The following SLIT1 variants were observed in gnomAD, a reference collection of about 807,000 sequenced individuals.
SLIT1 encodes the protein slit homolog 1 protein.
A neutral mutation model predicts 186.1 loss-of-function variants in SLIT1; 66 were observed. The observed-to-expected ratio is 0.35, with a 90% confidence interval of 0.29 to 0.44. The LOEUF is 0.44. SLIT1 is among the 20% of genes least tolerant of loss of function. The pLI is 1.00. For synonymous variants in SLIT1, 761 were observed against 833.8 expected (o/e 0.91, Z 1.50); for missense variants, 1,638 against 2,037.4 (o/e 0.80, Z 3.77).
intron 16 of SLIT1, among the ~76,000 whole-genome samples, 199 bp from the exon 17 acceptor site, chr10:97,047,264 A>T (rs1848742937): frequency 6.6e-6 from 1 of 152,268 alleles, no homozygotes; most frequent in Non-Finnish European, 1.5e-5. Flanking sequence ...AACATTAAAA[A>T]TGCCATGAAA....
intron 18 of SLIT1, among the ~76,000 whole-genome samples, chr10:97,046,195 A>C (rs757121894): frequency 6.6e-6 from 1 of 152,194 alleles, no homozygotes; most frequent in Non-Finnish European, 1.5e-5. Context: ...ACTGAGCTCC[A>C]GATTCTGGTC....
intron 31 of SLIT1, among the ~76,000 whole-genome samples, chr10:97,007,554 C>T (rs1397569213): frequency 1.3e-5 from 2 of 152,088 alleles, no homozygotes; most frequent in Non-Finnish European, 2.9e-5. Context: ...CAACAAATTA[C>T]TAGCTAATCA....
At chr10:97,045,330 T>C (rs921529797) in intron 18 of SLIT1, among the ~76,000 whole-genome samples, 2 of 152,232 alleles carry the variant, frequency 1.3e-5, no homozygotes, top group Non-Finnish European at 2.9e-5. Flanking sequence ...AAAATTTTAA[T>C]ATGTAATGGT....
chr10:97,147,895 G>A (rs1037661501), intron 4 of SLIT1, among the ~76,000 whole-genome samples: 3 of 152,184 alleles, frequency 2.0e-5, no homozygotes, highest in African/African-American at 7.2e-5. Flanking sequence ...CTGGAGTCCA[G>A]TTCTTCCTCT....
At chr10:97,083,651 CAG>C (rs1487066857) in intron 4 of SLIT1, among the ~76,000 whole-genome samples, 7 of 152,170 alleles carry the variant, frequency 4.6e-5, no homozygotes, top group Non-Finnish European at 8.8e-5. Context: ...GGCCGTGCTG[CAG>C]AGAGTGTGGA....
intron 22 of SLIT1, among the ~76,000 whole-genome samples, chr10:97,036,218 C>G (rs936235431): frequency 1.3e-5 from 2 of 152,182 alleles, no homozygotes; most frequent in African/African-American, 4.8e-5. Context: ...TTTGGAGATA[C>G]ATTTAAGTGC....
At chr10:97,143,394 C>T (rs930742707) in intron 4 of SLIT1, among the ~76,000 whole-genome samples, 2 of 152,156 alleles carry the variant, frequency 1.3e-5, no homozygotes, top group East Asian at 1.9e-4. Flanking sequence ...AAGACAAATG[C>T]CATGTGATTC....
intron 20 of SLIT1, 97 bp downstream of exon 20, chr10:97,042,804 G>A (rs756781969): frequency 2.5e-5 from 34 of 1,333,500 alleles, no homozygotes; most frequent in Non-Finnish European, 3.6e-5. Context: ...GCATGCCAGG[G>A]GGTGCTGCCT....
At chr10:97,047,313 A>G (rs1019965374) in intron 16 of SLIT1, among the ~76,000 whole-genome samples, 1 of 152,268 alleles carries the variant, frequency 6.6e-6, no homozygotes, top group Non-Finnish European at 1.5e-5. Context: ...GCAGGCATCT[A>G]TGCACATAGA....
intron 25 of SLIT1, among the ~76,000 whole-genome samples, chr10:97,030,173 G>A (rs968277817): frequency 6.6e-6 from 1 of 152,166 alleles, no homozygotes; most frequent in Admixed American, 6.5e-5. Flanking sequence ...CCTATGTTGA[G>A]ATTTTTGAGG....
chr10:97,056,628 G>A (rs1848839228), intron 12 of SLIT1, among the ~76,000 whole-genome samples, 164 bp from the exon 13 acceptor site: 1 of 152,176 alleles, frequency 6.6e-6, no homozygotes, highest in Admixed American at 6.5e-5. Flanking sequence ...CACGGAGAGG[G>A]GCCCGGAACT....
intron 4 of SLIT1, among the ~76,000 whole-genome samples, chr10:97,109,593 TCAAA>T (rs1849446026): frequency 6.6e-6 from 1 of 152,124 alleles, no homozygotes; most frequent in South Asian, 2.1e-4. Flanking sequence ...ATTAGCCTTG[TCAAA>T]CAGAGAGGAA....
intron 21 of SLIT1, 35 bp from the exon 22 acceptor site, chr10:97,037,801 T>C: frequency 6.4e-7 from 1 of 1,565,666 alleles, no homozygotes; most frequent in Non-Finnish European, 8.8e-7. Context: ...AGTGCCCATC[T>C]CCACCTCTGG....
chr10:97,017,168 C>T (rs1358314386), intron 28 of SLIT1, among the ~76,000 whole-genome samples: 2 of 152,198 alleles, frequency 1.3e-5, no homozygotes, highest in South Asian at 2.1e-4. Context: ...CCTTTCAGCC[C>T]CCAGCTGGGG....
chr10:97,088,587 A>G lies in SLIT1; in HGVS notation c.414-22501T>C, dbSNP rs1849193419. Among the ~76,000 whole-genome samples the G allele has an allele frequency of 3.3e-5, 5 of 152,324 alleles. No individual in the cohort carries two copies. The South Asian group carries it at 1.0e-3, about 32-fold the overall frequency. ...TTTTATACAGCTAAACGTACTATAC[A>G]GGAAAGAGTTACACATGGCATGGGT... On this transcript the variant is annotated intron_variant, in intron 4 of 36. Coordinates refer to ENST00000266058, the MANE Select transcript of SLIT1 (RefSeq NM_003061.3).
intron 4 of SLIT1, among the ~76,000 whole-genome samples, chr10:97,144,923 GA>G (rs985426540): frequency 4.6e-5 from 7 of 152,048 alleles, no homozygotes; most frequent in Admixed American, 3.9e-4. Context: ...TACAGATGAG[GA>G]AATAGACACA....
rs994921265 is a variant in SLIT1 at position 97,013,590 on chromosome 10, C to A, written c.3203+151G>T. ...GTGCACATCACCCCTCCACCCACAACCCCGCATGGATTCTCAGGAACCCTG... is the reference window on the plus strand; with the variant it reads ...GTGCACATCACCCCTCCACCCACAAACCCGCATGGATTCTCAGGAACCCTG... On this transcript the variant is annotated intron_variant, in intron 30 of 36. Coordinates refer to ENST00000266058, the MANE Select transcript of SLIT1 (RefSeq NM_003061.3). 25 of 645,118 alleles carry A rather than the reference C, an allele frequency of 3.9e-5. No homozygotes were observed. Among genetic ancestry groups the A allele is most frequent in the Admixed American group, 3.1e-4 (12 of 39,072 alleles). The allele number at this position is 645,118 out of a possible 1,614,324, so 40.0% of individuals were successfully genotyped here. A position where few individuals can be genotyped will look rare whatever the true frequency, so the allele number is the denominator to read the frequency against.
intron 4 of SLIT1, among the ~76,000 whole-genome samples, chr10:97,066,797 A>G (rs970639826): frequency 6.6e-6 from 1 of 152,124 alleles, no homozygotes; most frequent in Non-Finnish European, 1.5e-5. Context: ...AGAACAGCCT[A>G]ATGCCCACAG....
intron 25 of SLIT1, among the ~76,000 whole-genome samples, chr10:97,024,219 AAAGCAGCAG>A (rs1056172142): frequency 1.3e-5 from 2 of 152,194 alleles, no homozygotes; most frequent in African/African-American, 4.8e-5. Flanking sequence ...CAACCTGATT[AAAGCAGCAG>A]TGGCTCTGAA....
Sources: allele counts gnomAD v4.1 joint callset (sites outside exome capture counted in the v4.1 genomes callset), GRCh38; gene constraint gnomAD v4.1.1; transcripts MANE v1.5; gene names NCBI Gene and HGNC (gene_info 2026-07-23, HGNC 2026-07-21).